Variants in DCLK1 observed in about 807,000 individuals in gnomAD.
The protein encoded by DCLK1 is doublecortin like kinase 1.
A neutral mutation model predicts 86.2 loss-of-function variants in DCLK1; 16 were observed. The observed-to-expected ratio is 0.19, with a 90% CI of 0.13 to 0.28. The LOEUF (loss-of-function observed/expected upper bound fraction) is 0.28, where lower values mean the gene tolerates loss of function less well. Ranked by LOEUF, DCLK1 falls within the 10% of genes least tolerant of loss-of-function variation. The pLI is 1.00. For missense variants in DCLK1, 590 were observed against 940.2 expected (o/e 0.63, Z 4.87); for synonymous variants, 369 against 370.5 (o/e 1.00, Z 0.05).
intron 3 of DCLK1, among the ~76,000 whole-genome samples, chr13:35,992,096 C>A (rs1222132116): frequency 3.3e-5 from 5 of 152,134 alleles, no homozygotes; most frequent in African/African-American, 9.6e-5. Context: ...TGAACAAATT[C>A]TTTTTGATCT....
At chr13:35,815,321 T>A (rs1195195365) in intron 11 of DCLK1, among the ~76,000 whole-genome samples, 3 of 152,180 alleles carry the variant, frequency 2.0e-5, no homozygotes, top group African/African-American at 7.2e-5. Flanking sequence ...TAAAATAATA[T>A]GAAAATTCAC....
Position 35,878,530 on chromosome 13 carries a change from G to A in DCLK1, c.824-7190C>T, listed in dbSNP as rs572037961. On this transcript the variant is annotated intron_variant, in intron 4 of 16. Coordinates refer to ENST00000360631, the MANE Select transcript of DCLK1 (RefSeq NM_001330071.2). Reference sequence around the variant, plus strand: ...AAAAACAAAGCATTGCAGTGGGGGGGAAATGGGGATGGTTAATGGGTACAA... The same window carrying A: ...AAAAACAAAGCATTGCAGTGGGGGGAAAATGGGGATGGTTAATGGGTACAA... Among the ~76,000 whole-genome samples, 638 of 152,052 alleles carry A rather than the reference G, an allele frequency of 4.2e-3. 3 individuals are homozygous for A. Among genetic ancestry groups the A allele is most frequent in the Non-Finnish European group, 6.1e-3 (418 of 68,022 alleles).
At chr13:36,028,731 T>C (rs778983895) in intron 3 of DCLK1, among the ~76,000 whole-genome samples, 1 of 152,186 alleles carries the variant, frequency 6.6e-6, no homozygotes, top group African/African-American at 2.4e-5. Context: ...TAAAACAGAC[T>C]GTGATGAAGA....
intron 5 of DCLK1, chr13:35,855,738 T>C: frequency 7.3e-7 from 1 of 1,369,738 alleles, no homozygotes; most frequent in Non-Finnish European, 9.5e-7. Flanking sequence ...GAGGTGCAGG[T>C]TCTGTCTTAG....
chr13:35,956,950 A>T (rs1436444947), intron 3 of DCLK1, among the ~76,000 whole-genome samples: 1 of 152,088 alleles, frequency 6.6e-6, no homozygotes, highest in Non-Finnish European at 1.5e-5. Flanking sequence ...TTCATATAAA[A>T]CTTTGCAAAT....
chr13:36,056,800 G>C (rs912398659), intron 3 of DCLK1, among the ~76,000 whole-genome samples: 5 of 149,842 alleles, frequency 3.3e-5, no homozygotes, highest in Admixed American at 3.3e-4. Context: ...GGAGGCTGAG[G>C]CAGGAGAATG....
intron 4 of DCLK1, among the ~76,000 whole-genome samples, chr13:35,930,631 C>CA (rs150052089): frequency 0.039 from 5,941 of 151,660 alleles, 400 homozygotes; most frequent in African/African-American, 0.13. Context: ...CAAACAAAAA[C>CA]AAAAAAAACA....
intron 4 of DCLK1, among the ~76,000 whole-genome samples, chr13:35,897,077 C>A (rs1432284640): frequency 6.6e-6 from 1 of 151,998 alleles, no homozygotes; most frequent in Admixed American, 6.5e-5. Flanking sequence ...TCTTCATTAT[C>A]GGGCCATTGA....
At position 36,069,756 on chromosome 13, in the gene DCLK1, C is replaced by G. The variant is rs557161680; in HGVS notation, c.723+42113G>C. ...TCTAAATGTCTCTTGTTTGGATGTCCCCCCATTACTCTCTGAGCAGTGATA... is the reference window on the plus strand; with the variant it reads ...TCTAAATGTCTCTTGTTTGGATGTCGCCCCATTACTCTCTGAGCAGTGATA... On this transcript the variant is annotated intron_variant, in intron 3 of 16. Coordinates refer to ENST00000360631, the MANE Select transcript of DCLK1 (RefSeq NM_001330071.2). Among the ~76,000 whole-genome samples, 6 of 152,260 alleles carry G rather than the reference C, an allele frequency of 3.9e-5. No homozygotes were observed. In the East Asian group the frequency reaches 1.2e-3, roughly 29 times the overall value.
In DCLK1 at chr13:36,039,647, C is replaced by A. The variant is rs886893125; in HGVS notation, c.723+72222G>T. On this transcript the variant is annotated intron_variant, in intron 3 of 16. Transcript: ENST00000360631. ...CTGTGCACACATGTACACACACACA[C>A]ACATACAAATACACTGCCCTTCTAT... Among the ~76,000 whole-genome samples the A allele has an allele frequency of 4.6e-5, 7 of 151,870 alleles. No individual in the cohort carries two copies. In the East Asian group the frequency reaches 1.4e-3, roughly 29 times the overall value.
At chr13:36,007,367 G>C (rs924647647) in intron 3 of DCLK1, among the ~76,000 whole-genome samples, 2 of 152,194 alleles carry the variant, frequency 1.3e-5, no homozygotes, top group African/African-American at 4.8e-5. Flanking sequence ...AGTGTTAGTA[G>C]GCTACAAGGC....
chr13:35,826,523 C>CAAAAAAAA (rs533243711), intron 10 of DCLK1, among the ~76,000 whole-genome samples: 15 of 19,668 alleles, frequency 7.6e-4, no homozygotes, highest in African/African-American at 1.1e-3. Context: ...AACTCCATCT[C>CAAAAAAAA]AAAAAAAAAA....
intron 3 of DCLK1, among the ~76,000 whole-genome samples, chr13:36,000,739 C>T (rs901690913): frequency 1.3e-5 from 2 of 151,956 alleles, no homozygotes; most frequent in Non-Finnish European, 2.9e-5. Flanking sequence ...AAAACAAAAG[C>T]AAAATAAAAA....
intron 4 of DCLK1, among the ~76,000 whole-genome samples, chr13:35,916,572 T>C (rs1370028050): frequency 6.6e-6 from 1 of 152,194 alleles, no homozygotes; most frequent in Non-Finnish European, 1.5e-5. Flanking sequence ...TTGTTCTTTT[T>C]ATCTCTTTCT....
At chr13:35,929,271 G>A (rs1415036345) in intron 4 of DCLK1, among the ~76,000 whole-genome samples, 2 of 152,132 alleles carry the variant, frequency 1.3e-5, no homozygotes, top group East Asian at 3.8e-4. Flanking sequence ...TTGAAAGGCT[G>A]TCAAGTGTGA....
chr13:36,021,999 G>A (rs1578810), intron 3 of DCLK1, among the ~76,000 whole-genome samples: 3,344 of 151,998 alleles, frequency 0.022, 119 homozygotes, highest in African/African-American at 0.076. Context: ...CATGTATTAA[G>A]CCATAAAATG....
chr13:35,826,523 CA>C (rs533243711), intron 10 of DCLK1, among the ~76,000 whole-genome samples: 364 of 19,824 alleles, frequency 0.018, 7 homozygotes, highest in African/African-American at 0.041. Context: ...AACTCCATCT[CA>C]AAAAAAAAAA....
Position 35,774,634 on chromosome 13 carries a change from C to A in DCLK1, c.2124G>T (p.Arg708=). 6.2e-7 allele frequency: 1 copy of A among 1,607,408 alleles called. No individual in the cohort carries two copies. The highest frequency in any genetic ancestry group is 8.5e-7 in the Non-Finnish European group (1 of 1,176,944). ...CGGGAGGAGCTGGCTGCGCCTTGTA[C>A]CGGCTCCTCACATCCTGGTTGCGTC... is the stretch of plus-strand genomic sequence containing the variant. ...RRRRNQDVRS[R]YKAQPAPPEL... Residue 708 remains arginine (R), a synonymous_variant, in exon 17 of 17, where the codon CGG becomes CGT. Transcript: ENST00000360631.
chr13:36,008,169 A>T (rs1270466284), intron 3 of DCLK1, among the ~76,000 whole-genome samples: 1 of 15,414 alleles, frequency 6.5e-5, no homozygotes, highest in Non-Finnish European at 1.1e-4. Flanking sequence ...GGTCTCTACC[A>T]TCTTTTTTTT....
Sources: allele counts gnomAD v4.1 joint callset (sites outside exome capture counted in the v4.1 genomes callset), GRCh38; gene constraint gnomAD v4.1.1; transcripts MANE v1.5; gene names NCBI Gene and HGNC (gene_info 2026-07-23, HGNC 2026-07-21).